Variants in ATRN observed in about 807,000 individuals in gnomAD.
The protein encoded by ATRN is attractin-2.
ATRN carries 54 observed loss-of-function variants against 178.7 expected under a neutral mutation model. The observed-to-expected ratio is 0.30, with a 90% confidence interval of 0.24 to 0.38. The LOEUF (loss-of-function observed/expected upper bound fraction) is 0.38. ATRN is among the 10% of genes least tolerant of loss of function. The pLI is 1.00. For synonymous variants in ATRN, 636 were observed against 663.0 expected, an observed-to-expected ratio of 0.96 and a Z score of 0.63; for missense variants, 1,443 against 1,815.1, an observed-to-expected ratio of 0.79 and a Z score of 3.73.
At chr20:3,481,791 C>CTTTT (rs780144563) in intron 1 of ATRN, among the ~76,000 whole-genome samples, 5 of 100,490 alleles carry the variant, frequency 5.0e-5, no homozygotes, top group South Asian at 3.2e-4. Context: ...GGTGAATTTC[C>CTTTT]TTTTTTTTTT....
At chr20:3,561,601 A>C (rs574363916) in intron 8 of ATRN, among the ~76,000 whole-genome samples, 6 of 152,322 alleles carry the variant, frequency 3.9e-5, no homozygotes, top group African/African-American at 1.2e-4. Context: ...CCCTTGGTTA[A>C]ATTTCATTGT....
At chr20:3,499,534 T>C (rs1166806959) in intron 1 of ATRN, among the ~76,000 whole-genome samples, 1 of 151,652 alleles carries the variant, frequency 6.6e-6, no homozygotes, top group Non-Finnish European at 1.5e-5. Context: ...ACACCTCATA[T>C]CTACAACTAT....
At chr20:3,484,260 A>C (rs569689308) in intron 1 of ATRN, among the ~76,000 whole-genome samples, 93 of 151,646 alleles carry the variant, frequency 6.1e-4, no homozygotes, top group South Asian at 1.2e-3. Flanking sequence ...AAAAAAAAAA[A>C]AACAACAAAG....
intron 1 of ATRN, among the ~76,000 whole-genome samples, chr20:3,473,663 T>C (rs1181342262): frequency 6.6e-6 from 1 of 152,090 alleles, no homozygotes; most frequent in Non-Finnish European, 1.5e-5. Context: ...GTCAGGTGAA[T>C]GGATGGTTGA....
chr20:3,504,688 G>GATGATAATA (rs1036307868), intron 1 of ATRN, among the ~76,000 whole-genome samples: 2 of 135,936 alleles, frequency 1.5e-5, no homozygotes, highest in African/African-American at 5.4e-5. Context: ...TCTGTCTTAA[G>GATGATAATA]ATAATAATAA....
chr20:3,600,955 G>A lies in ATRN; in HGVS notation c.3574G>A (p.Asp1192Asn), dbSNP rs1274619642. The A allele has an allele frequency of 6.2e-7, 1 of 1,613,382 alleles. No individual in the cohort carries two copies. The highest frequency in any genetic ancestry group is 1.1e-5 in the South Asian group (1 of 90,942). Residue 1192 changes from aspartate to asparagine, a missense_variant, in exon 23 of 29, where the codon GAT becomes AAT. Asp to Asn is a conservative substitution (Grantham distance 23). This residue lies in a region of ATRN where 289 missense variants were observed against 440.8 expected (regional missense o/e 0.66). Transcript: ENST00000262919. The part of the protein sequence containing the change: ...FVATPDEQNR[D>N]LDMFINASKN... Reference sequence around the variant, plus strand: ...TTGTACCGCTCATCAGCAAAACAGGGATTTGGACATGTTCATCAATGCCTC... The same window carrying A: ...TTGTACCGCTCATCAGCAAAACAGGAATTTGGACATGTTCATCAATGCCTC...
chr20:3,554,990 C>CTTTTTT lies in ATRN; in HGVS notation c.1113-4378_1113-4373dup, dbSNP rs536209701. 6.1e-4 allele frequency among the ~76,000 whole-genome samples: 41 copies of CTTTTTT among 67,492 alleles called. 2 individuals are homozygous for CTTTTTT. The highest frequency in any genetic ancestry group is 2.3e-3 in the African/African-American group (33 of 14,250). 44.3% of individuals were successfully genotyped at this position (67,492 alleles called of 152,430 possible). The stretch of plus-strand genomic sequence containing the variant: ...TGGAACACCAAGTGTGACCTGACCT[C>CTTTTTT]TTTTTTTTTTTTTTTTTTTTTTTTT... On this transcript the variant is annotated intron_variant, in intron 6 of 28. Coordinates refer to ENST00000262919, the MANE Select transcript of ATRN (RefSeq NM_139321.3).
chr20:3,590,790 A>T (rs554642610), intron 18 of ATRN, among the ~76,000 whole-genome samples: 4 of 152,176 alleles, frequency 2.6e-5, no homozygotes, highest in Admixed American at 6.5e-5. Context: ...TTCTTCTGGT[A>T]TAGAAAAATA....
At chr20:3,577,426 C>G (rs527473446) in intron 14 of ATRN, among the ~76,000 whole-genome samples, 4 of 152,270 alleles carry the variant, frequency 2.6e-5, no homozygotes, top group African/African-American at 9.6e-5. Context: ...AGGATAGATA[C>G]TTCTGTCAGC....
chr20:3,546,501 C>T (rs1004618030), intron 4 of ATRN, among the ~76,000 whole-genome samples: 14 of 150,142 alleles, frequency 9.3e-5, no homozygotes, highest in Admixed American at 1.3e-4. Context: ...AAGCAATTCT[C>T]CTGCCTCAGC....
chr20:3,471,995 G>T (rs1035523082), intron 1 of ATRN, among the ~76,000 whole-genome samples: 5 of 152,214 alleles, frequency 3.3e-5, no homozygotes, highest in African/African-American at 1.2e-4. Flanking sequence ...TTGTTGGCTG[G>T]AGATAAAAGG....
chr20:3,483,877 A>G (rs771401478), intron 1 of ATRN, among the ~76,000 whole-genome samples: 2 of 152,152 alleles, frequency 1.3e-5, no homozygotes, highest in African/African-American at 2.4e-5. Flanking sequence ...AAAATTCCCC[A>G]TTATACAGTA....
At position 3,560,691 on chromosome 20, in the gene ATRN, T is replaced by A. The variant is rs760987246; in HGVS notation, c.1233T>A (p.Ile411=). 102 of 1,612,852 alleles carry A rather than the reference T, an allele frequency of 6.3e-5. No homozygotes were observed. The highest frequency in any genetic ancestry group is 8.3e-5 in the Admixed American group (5 of 59,952). The change falls in exon 8 of 29, where the codon ATT becomes ATA. Residue 411 remains isoleucine (I), a synonymous_variant. Transcript: ENST00000262919. ...KDKIYMYGGK[I]DSTGNVTNEL... ...AAATTTACATGTATGGAGGAAAAAT[T>A]GATTCAACTGGGAATGTGACCAATG... is the stretch of plus-strand genomic sequence containing the variant.
chr20:3,549,862 C>T (rs1323934102), intron 6 of ATRN, among the ~76,000 whole-genome samples: 1 of 152,014 alleles, frequency 6.6e-6, no homozygotes, highest in African/African-American at 2.4e-5. Context: ...GAACTTTTTT[C>T]TAGGCATTTT....
At chr20:3,502,220 A>T (rs2084974118) in intron 1 of ATRN, among the ~76,000 whole-genome samples, 1 of 152,180 alleles carries the variant, frequency 6.6e-6, no homozygotes, top group African/African-American at 2.4e-5. Context: ...TTGGCTGAAA[A>T]TGAAGAGAGA....
intron 6 of ATRN, among the ~76,000 whole-genome samples, chr20:3,554,570 G>A (rs1298666853): frequency 7.9e-5 from 12 of 151,934 alleles, no homozygotes; most frequent in Admixed American, 7.2e-4. Context: ...TCCTGACCTC[G>A]TGATCTGCCC....
intron 24 of ATRN, among the ~76,000 whole-genome samples, chr20:3,616,312 CAG>C (rs1482373807): frequency 6.6e-6 from 1 of 152,176 alleles, no homozygotes; most frequent in African/African-American, 2.4e-5. Flanking sequence ...ATTCAGCCAG[CAG>C]ACTTTCTGGC....
intron 1 of ATRN, among the ~76,000 whole-genome samples, chr20:3,530,290 G>A (rs1051809407): frequency 4.0e-5 from 6 of 149,156 alleles, no homozygotes; most frequent in Non-Finnish European, 8.9e-5. Flanking sequence ...TGGAGACAGA[G>A]TTTTGCTCTT....
At chr20:3,574,464 A>G (rs1188761196) in intron 12 of ATRN, among the ~76,000 whole-genome samples, 1 of 152,186 alleles carries the variant, frequency 6.6e-6, no homozygotes, top group East Asian at 1.9e-4. Flanking sequence ...GCAGTGAGGC[A>G]TGAGTGTGCC....
Sources: gnomAD v4.1 joint callset for allele counts (sites outside exome capture counted in the v4.1 genomes callset) on GRCh38, gnomAD v4.1.1 for gene constraint, gnomAD v4.1.1 regional missense constraint, MANE v1.5 for transcripts, NCBI Gene and HGNC (gene_info 2026-07-23, HGNC 2026-07-21) for gene names.